The following NETO1 variants were observed in gnomAD, a reference collection of about 807,000 sequenced individuals.
The protein encoded by NETO1 is neuropilin and tolloid-like protein 1.
Under a neutral mutation model 61.3 loss-of-function variants are expected in NETO1, and 26 were observed. The observed-to-expected ratio is 0.42, with a 90% CI of 0.31 to 0.59. The LOEUF is 0.59. Among genes scored for constraint, NETO1 ranks in the 20% least tolerant of loss-of-function variants. The probability of loss-of-function intolerance (pLI) is 0.12; values close to 1 mark genes in which losing one functional copy is unlikely to be tolerated. For synonymous variants in NETO1, 225 were observed against 225.8 expected (o/e 1.00, Z 0.03); for missense variants, 531 against 662.8 (o/e 0.80, Z 2.18).
rs141478899 is a variant in NETO1 at position 72,830,048 on chromosome 18, G to A, written c.469+28778C>T. 5.3e-3 allele frequency among the ~76,000 whole-genome samples: 802 copies of A among 152,246 alleles called. 11 individuals carry two copies. The highest frequency in any genetic ancestry group is 0.018 in the African/African-American group (759 of 41,542). On this transcript the variant is annotated intron_variant, in intron 4 of 10. Transcript: ENST00000327305. This position sits in a 1 kb window ranked among gnomAD's most constrained non-coding sequence, Gnocchi z 4.9. ...GGTTCAAGATAAAGGGATTTGGGGT[G>A]GATCATAGTGTGTGTCTGTGAGATT...
chr18:72,866,815 G>T (rs1211956899), intron 1 of NETO1: 2 of 1,001,040 alleles, frequency 2.0e-6, no homozygotes, highest in African/African-American at 1.7e-5. Flanking sequence ...TCCCTCCAGC[G>T]CTGGCTTCAG....
intron 8 of NETO1, among the ~76,000 whole-genome samples, chr18:72,753,308 C>T (rs1416821576): frequency 6.6e-6 from 1 of 150,378 alleles, no homozygotes; most frequent in African/African-American, 2.4e-5. Flanking sequence ...ATCAAATTAA[C>T]ACCTGAGTTA....
chr18:72,864,936 G>A lies in NETO1; in HGVS notation c.92C>T (p.Thr31Ile), dbSNP rs2074688926. ...CACTGACTTCTGTGTTTCTGAGGTG[G>A]TTTGCTTTTCTGTTAAAAAAAAAAA... ...GATKKGTEKQ[T>I]TSETQKSVQC... The change falls in exon 3 of 11, where the codon ACC becomes ATC. Residue 31 changes from threonine (T) to isoleucine (I), a missense_variant. Coordinates refer to ENST00000327305, the MANE Select transcript of NETO1 (RefSeq NM_138966.5). 1.3e-6 allele frequency: 2 copies of A among 1,577,494 alleles called. No homozygotes were observed. The highest frequency in any genetic ancestry group is 1.2e-5 in the South Asian group (1 of 83,942).
At chr18:72,808,259 A>G (rs1368128286) in intron 4 of NETO1, among the ~76,000 whole-genome samples, 1 of 152,208 alleles carries the variant, frequency 6.6e-6, no homozygotes, top group African/African-American at 2.4e-5. Flanking sequence ...TATGCCCAGA[A>G]AAGTGAGAAG....
chr18:72,772,096 G>C (rs962528887), intron 7 of NETO1, among the ~76,000 whole-genome samples: 10 of 152,172 alleles, frequency 6.6e-5, no homozygotes, highest in African/African-American at 1.9e-4. Context: ...CTTTCATGCT[G>C]ACTGGCAACC....
chr18:72,823,711 T>C (rs867220876), intron 4 of NETO1, among the ~76,000 whole-genome samples: 1 of 152,122 alleles, frequency 6.6e-6, no homozygotes, highest in Non-Finnish European at 1.5e-5. Flanking sequence ...TTTTTAAAAA[T>C]AGTCAAAGAA....
intron 7 of NETO1, 96 bp from the exon 8 acceptor site, chr18:72,756,243 T>A: frequency 1.6e-6 from 1 of 629,214 alleles, no homozygotes; most frequent in Non-Finnish European, 2.8e-6. Flanking sequence ...AAGATTAGAA[T>A]AATTTGCCAC....
In NETO1 at chr18:72,767,988, C is replaced by T. The variant is rs559463634; in HGVS notation, c.869-11841G>A. Among the ~76,000 whole-genome samples the T allele has an allele frequency of 1.4e-4, 21 of 152,268 alleles. 1 individual carries two copies. The South Asian group carries it at 4.1e-3, about 30-fold the overall frequency. On this transcript the variant is annotated intron_variant, in intron 7 of 10. Transcript: ENST00000327305. ...TTTCAGTTGCCCTGTGATGTTTTCT[C>T]TGTTTTACAGAAAGGAAATTGAAGA...
chr18:72,788,151 G>A (rs949387937), intron 6 of NETO1, among the ~76,000 whole-genome samples: 1 of 152,044 alleles, frequency 6.6e-6, no homozygotes, highest in Non-Finnish European at 1.5e-5. Context: ...ATTTGTACAT[G>A]AAGTGCAATC....
intron 4 of NETO1, among the ~76,000 whole-genome samples, chr18:72,837,781 C>T (rs1346201822): frequency 1.3e-5 from 2 of 152,134 alleles, no homozygotes; most frequent in African/African-American, 2.4e-5. Context: ...TATAGATTTT[C>T]AGTTCTTAAA....
At chr18:72,785,103 G>T (rs559791960) in intron 6 of NETO1, among the ~76,000 whole-genome samples, 2 of 152,142 alleles carry the variant, frequency 1.3e-5, no homozygotes, top group South Asian at 4.2e-4. Flanking sequence ...ATGCCTATAC[G>T]CTATTTCCTC....
chr18:72,817,864 C>T (rs2073075017), intron 4 of NETO1, among the ~76,000 whole-genome samples: 1 of 152,208 alleles, frequency 6.6e-6, no homozygotes, highest in African/African-American at 2.4e-5. Flanking sequence ...GACATCAGTT[C>T]ATACACGGTA....
chr18:72,761,758 A>C (rs1220364629), intron 7 of NETO1, among the ~76,000 whole-genome samples: 1 of 152,202 alleles, frequency 6.6e-6, no homozygotes, highest in Non-Finnish European at 1.5e-5. Context: ...ATCTATGGGT[A>C]CCTTAACTCT....
At chr18:72,836,475 A>C (rs577110413) in intron 4 of NETO1, among the ~76,000 whole-genome samples, 1 of 152,332 alleles carries the variant, frequency 6.6e-6, no homozygotes, top group East Asian at 1.9e-4. Flanking sequence ...ACTGAGGTCC[A>C]CATTGGTCTG....
In NETO1 at chr18:72,750,481, T is replaced by C. The variant is rs745326089; in HGVS notation, c.1122A>G (p.Gln374=). 5 of 1,614,038 alleles carry C rather than the reference T, an allele frequency of 3.1e-6. No homozygotes were observed. Among genetic ancestry groups the C allele is most frequent in the Non-Finnish European group, 3.4e-6 (4 of 1,180,012 alleles). ...QIKQPRKKYV[Q]RKSDFDQTVF... is the part of the protein sequence containing the mutation. ...CTGTCTGGTCAAAGTCTGATTTCCT[T>C]TGGACATACTTTTTACGAGGCTGTT... Residue 374 remains glutamine (Q), a synonymous_variant, in exon 9 of 11, where the codon CAA becomes CAG. Transcript: ENST00000327305.
At chr18:72,795,678 T>C (rs1027426568) in intron 4 of NETO1, among the ~76,000 whole-genome samples, 2 of 152,166 alleles carry the variant, frequency 1.3e-5, no homozygotes, top group African/African-American at 4.8e-5. Context: ...CGTTTTGATA[T>C]ATGTGTACAT....
intron 4 of NETO1, among the ~76,000 whole-genome samples, chr18:72,804,398 T>C (rs945278250): frequency 2.1e-4 from 32 of 152,216 alleles, no homozygotes; most frequent in African/African-American, 7.7e-4. Context: ...GCTAGCCACA[T>C]TGCAGATGAA....
intron 4 of NETO1, among the ~76,000 whole-genome samples, chr18:72,816,913 G>C (rs1047041417): frequency 2.6e-5 from 4 of 152,200 alleles, no homozygotes; most frequent in Admixed American, 6.5e-5. Context: ...AAGACTCTAA[G>C]ATGATGTCGT....
chr18:72,855,004 T>C (rs747534373), intron 4 of NETO1, among the ~76,000 whole-genome samples: 101 of 152,318 alleles, frequency 6.6e-4, no homozygotes, highest in Non-Finnish European at 1.3e-3. Context: ...ATACCAAACT[T>C]GATTTAAAAC....
Sources: gnomAD v4.1 joint callset for allele counts (sites outside exome capture counted in the v4.1 genomes callset) on GRCh38, gnomAD v4.1.1 for gene constraint, Gnocchi (gnomAD v3.1) non-coding constraint, MANE v1.5 for transcripts, NCBI Gene and HGNC (gene_info 2026-07-23, HGNC 2026-07-21) for gene names.